DLG3: variants seen among roughly 807,000 people sequenced by gnomAD.
DLG3 encodes the protein discs large MAGUK scaffold protein 3, also known as disks large homolog 3.
DLG3 carries 1 observed loss-of-function variant against 64.1 expected under a neutral mutation model. The observed-to-expected ratio is 0.02, with a 90% CI of 0.01 to 0.07. DLG3 has a LOEUF of 0.07. Among genes scored for constraint, DLG3 ranks in the 10% least tolerant of loss-of-function variants. DLG3 has a pLI of 1.00. For missense variants in DLG3, 429 were observed against 669.5 expected, an observed-to-expected ratio of 0.64 and a Z score of 3.96; for synonymous variants, 245 against 259.8, an observed-to-expected ratio of 0.94 and a Z score of 0.55.
intron 10 of DLG3, among the ~76,000 whole-genome samples, chrX:70,482,123 A>G (rs1291562289): frequency 1.8e-5 from 2 of 112,508 alleles, no homozygotes; most frequent in African/African-American, 3.2e-5. Context: ...TCTCTGCTCA[A>G]CATAAGGAAG....
In DLG3 at chrX:70,493,597, G is replaced by A. The variant is rs955589426; in HGVS notation, c.1773+1001G>A. On this transcript the variant is annotated intron_variant, in intron 12 of 18. Transcript: ENST00000374360. ...TGTGGCCTCGTGCCTGCCTGTGTGC[G>A]TGTGCACCTGCTTATCTACAGAGTC... 3.8e-5 allele frequency: 22 copies of A among 575,382 alleles called. No homozygotes were observed. In the Admixed American group the frequency reaches 3.9e-4, roughly 10 times the overall value. The allele number at this position is 575,382 out of a possible 1,213,427, so 47.4% of individuals were successfully genotyped here.
At chrX:70,481,130 C>A (rs185978963) in intron 10 of DLG3, among the ~76,000 whole-genome samples, 2 of 112,248 alleles carry the variant, frequency 1.8e-5, no homozygotes, top group Admixed American at 1.9e-4. Context: ...AAGCATTGAG[C>A]TGAGGCCCTT....
chrX:70,459,319 CT>C (rs2086765464), intron 9 of DLG3, among the ~76,000 whole-genome samples: 1 of 112,426 alleles, frequency 8.9e-6, no homozygotes, highest in Non-Finnish European at 1.9e-5. Flanking sequence ...ATGGAAACAC[CT>C]TTGGGTAAGG....
chrX:70,502,731 C>T lies in DLG3; in HGVS notation c.*462C>T, dbSNP rs2087587730. 1.9e-5 allele frequency: 2 copies of T among 107,103 alleles called. No individual in the cohort carries two copies. Among genetic ancestry groups the T allele is most frequent in the African/African-American group, 3.4e-5 (1 of 29,265 alleles). The allele number at this position is 107,103 out of a possible 1,213,427, so 8.8% of individuals were successfully genotyped here. ...TGTCTTGCAGCTCTGAACGGTGCAA[C>T]GTAATGGCGACAGAAAGTATCTTAT... On this transcript the variant is annotated 3_prime_UTR_variant, in exon 19 of 19. Coordinates refer to ENST00000374360, the MANE Select transcript of DLG3 (RefSeq NM_021120.4).
Position 70,499,934 on chromosome X carries a change from T to C in DLG3, c.2030T>C (p.Val677Ala). 8.3e-7 allele frequency: 1 copy of C among 1,210,523 alleles called. No individual in the cohort carries two copies. Among genetic ancestry groups the C allele is most frequent in the Non-Finnish European group, 1.1e-6 (1 of 894,833 alleles). Reference sequence around the variant, plus strand: ...GATGGACAAGACTACCACTTTGTGGTGTCCCGAGAACAAATGGAGAAAGAT... The same window carrying C: ...GATGGACAAGACTACCACTTTGTGGCGTCCCGAGAACAAATGGAGAAAGAT... ...EVDGQDYHFVVSREQMEKDIQ... is the reference protein window; with the variant it reads ...EVDGQDYHFVASREQMEKDIQ... The change falls in exon 16 of 19, where the codon GTG becomes GCG. Residue 677 changes from valine (V) to alanine (A), a missense_variant. Val to Ala is a moderately conservative substitution (Grantham distance 64, BLOSUM62 0). Coordinates refer to ENST00000374360, the MANE Select transcript of DLG3 (RefSeq NM_021120.4).
intron 13 of DLG3, among the ~76,000 whole-genome samples, chrX:70,496,264 C>G (rs779344593): frequency 3.6e-5 from 4 of 112,423 alleles, no homozygotes; most frequent in African/African-American, 9.7e-5. Flanking sequence ...TGTTCAGGAA[C>G]TAGCCATGTG....
chrX:70,482,662 G>GTTTTTTTTT lies in DLG3; in HGVS notation c.1520+3413_1520+3421dup, dbSNP rs774419870. ...AGGTTTGGGAAAATACATGTGTGGTGTTTTTTTTTTTTTTTTTTTTTTTGA... is the reference window on the plus strand; with the variant it reads ...AGGTTTGGGAAAATACATGTGTGGTGTTTTTTTTTTTTTTTTTTTTTTTTTTTTTTTTGA... On this transcript the variant is annotated intron_variant, in intron 10 of 18. Coordinates refer to ENST00000374360, the MANE Select transcript of DLG3 (RefSeq NM_021120.4). Among the ~76,000 whole-genome samples the GTTTTTTTTT allele has an allele frequency of 7.3e-4, 48 of 66,065 alleles. 1 individual carries two copies. The highest frequency in any genetic ancestry group is 1.6e-3 in the Admixed American group (8 of 4,861). 57.4% of individuals were successfully genotyped at this position (66,065 alleles called of 115,157 possible).
Position 70,445,375 on chromosome X carries a change from CT to C in DLG3, c.176del (p.Leu59CysfsTer62). On this transcript the variant is annotated frameshift_variant, in exon 1 of 19. Transcript: ENST00000374360. LOFTEE classifies it high-confidence loss of function. ...AGYGGYSSQT[L>X]PSQAGATPTP... ...GTTATGGGGGCTACAGCTCGCAGACCTTGCCCTCGCAGGCGGGGGCCACCCC... is the reference window on the plus strand; with the variant it reads ...GTTATGGGGGCTACAGCTCGCAGACCTGCCCTCGCAGGCGGGGGCCACCCC... 1 of 1,179,077 alleles carries C rather than the reference CT, an allele frequency of 8.5e-7. No homozygotes were observed. The highest frequency in any genetic ancestry group is 2.4e-5 in the Admixed American group (1 of 41,574).
chrX:70,498,776 T>C, intron 14 of DLG3, among the ~76,000 whole-genome samples: 1 of 111,742 alleles, frequency 8.9e-6, no homozygotes, highest in Non-Finnish European at 1.9e-5. Flanking sequence ...CTTCTCTCTG[T>C]GCCTTTGCCT....
intron 9 of DLG3, among the ~76,000 whole-genome samples, chrX:70,475,815 A>C (rs982883614): frequency 8.9e-6 from 1 of 112,272 alleles, no homozygotes; most frequent in African/African-American, 3.2e-5. Flanking sequence ...TTGCAGGCAC[A>C]TAAGACTGTG....
chrX:70,474,611 A>C (rs930761400), intron 9 of DLG3, among the ~76,000 whole-genome samples: 3 of 111,105 alleles, frequency 2.7e-5, no homozygotes, highest in African/African-American at 9.8e-5. Context: ...TAGGTGGAAC[A>C]GCGTCTTAAC....
At chrX:70,450,138 C>T in intron 4 of DLG3, 31 bp from the exon 5 acceptor site, 1 of 1,209,393 alleles carries the variant, frequency 8.3e-7, no homozygotes, top group South Asian at 1.8e-5. Flanking sequence ...TCCTTGTGGC[C>T]CTCTCCCACC....
chrX:70,499,207 C>T lies in DLG3; in HGVS notation c.1902C>T (p.Gly634=). 2.5e-6 allele frequency: 3 copies of T among 1,209,861 alleles called. No individual in the cohort carries two copies. Among genetic ancestry groups the T allele is most frequent in the East Asian group, 3.0e-5 (1 of 33,811 alleles). The stretch of plus-strand genomic sequence containing the variant: ...ATGCAAGGCCTGTGATCATCCTGGG[C>T]CCAATGAAGGACCGAGTCAATGATG... ...IHYARPVIIL[G]PMKDRVNDDL... Residue 634 remains glycine, a synonymous_variant, in exon 15 of 19, where the codon GGC becomes GGT. Coordinates refer to ENST00000374360, the MANE Select transcript of DLG3 (RefSeq NM_021120.4).
rs1400725871 is a variant in DLG3 at position 70,445,440 on chromosome X, G to T, written c.239G>T (p.Arg80Leu). The T allele has an allele frequency of 1.7e-6, 2 of 1,201,530 alleles. No homozygotes were observed. Among genetic ancestry groups the T allele is most frequent in the Non-Finnish European group, 1.1e-6 (1 of 890,920 alleles). The change falls in exon 1 of 19, where the codon CGG becomes CTG. Residue 80 changes from arginine to leucine, a missense_variant. Coordinates refer to ENST00000374360, the MANE Select transcript of DLG3 (RefSeq NM_021120.4). Reference sequence around the variant, plus strand: ...AAGGCCAAGCTCATCCCCACCGGCCGGGATGTGGGGCCGGTGCCTCCTAAG... The same window carrying T: ...AAGGCCAAGCTCATCCCCACCGGCCTGGATGTGGGGCCGGTGCCTCCTAAG... ...RTKAKLIPTG[R>L]DVGPVPPKPV...
At chrX:70,477,735 C>T (rs751252211) in intron 9 of DLG3, among the ~76,000 whole-genome samples, 1 of 111,956 alleles carries the variant, frequency 8.9e-6, no homozygotes, top group East Asian at 2.8e-4. Context: ...AAAGAGCACA[C>T]GAATTTAACC....
intron 11 of DLG3, 53 bp from the exon 12 acceptor site, chrX:70,492,468 C>T: frequency 8.5e-7 from 1 of 1,174,092 alleles, no homozygotes; most frequent in Non-Finnish European, 1.2e-6. Flanking sequence ...CTGCAACCCA[C>T]TGCTGAGACC....
intron 9 of DLG3, among the ~76,000 whole-genome samples, chrX:70,469,637 G>A (rs369514561): frequency 1.2e-4 from 13 of 109,113 alleles, no homozygotes; most frequent in Non-Finnish European, 2.1e-4. Flanking sequence ...TAGTAGAGAT[G>A]GGGTTTCACC....
intron 18 of DLG3, among the ~76,000 whole-genome samples, chrX:70,501,405 C>CTGTGTGTG (rs1443311416): frequency 2.2e-5 from 1 of 45,543 alleles, no homozygotes; most frequent in Admixed American, 2.6e-4. Flanking sequence ...GGGTGTCTGT[C>CTGTGTGTG]TGTCTGTCTG....
Position 70,496,877 on chromosome X carries a change from G to C in DLG3, c.1819+1424G>C, listed in dbSNP as rs4844122. Among the ~76,000 whole-genome samples the C allele has an allele frequency of 0.23, 25,216 of 111,793 alleles. 4,005 individuals carry two copies. Among genetic ancestry groups the C allele is most frequent in the African/African-American group, 0.56 (17,049 of 30,532 alleles). ...CCTTGGGAGATGCATTTTGAAATACGATTTGGAAACCATCCAGGTCAATTT... is the reference window on the plus strand; with the variant it reads ...CCTTGGGAGATGCATTTTGAAATACCATTTGGAAACCATCCAGGTCAATTT... On this transcript the variant is annotated intron_variant, in intron 13 of 18. Transcript: ENST00000374360.
Sources: allele counts gnomAD v4.1 joint callset (sites outside exome capture counted in the v4.1 genomes callset), GRCh38; gene constraint gnomAD v4.1.1; transcripts MANE v1.5; gene names NCBI Gene and HGNC (gene_info 2026-07-23, HGNC 2026-07-21).